FHIT: variants seen among roughly 807,000 people sequenced by gnomAD.
FHIT encodes the protein bis(5'-adenosyl)-triphosphatase.
In FHIT, 19 loss-of-function variants were observed where a neutral mutation model predicts 17.9. The ratio of observed to expected loss-of-function variants is 1.06; its 90% CI spans 0.74 to 1.56. The LOEUF (loss-of-function observed/expected upper bound fraction) is 1.56. Among genes scored for constraint, FHIT ranks in the 40% most tolerant of loss-of-function variants. FHIT has a pLI of 0.00. For missense variants in FHIT, 248 were observed against 189.2 expected (o/e 1.31, Z -1.82); for synonymous variants, 81 against 69.7 (o/e 1.16, Z -0.81).
chr3:60,363,528 G>A (rs1276742289), intron 5 of FHIT, among the ~76,000 whole-genome samples: 1 of 152,114 alleles, frequency 6.6e-6, no homozygotes, highest in East Asian at 1.9e-4. Flanking sequence ...CGCTATCCCT[G>A]TTTTACAGGT....
intron 5 of FHIT, among the ~76,000 whole-genome samples, chr3:60,476,796 G>A (rs368372000): frequency 4.6e-5 from 7 of 152,006 alleles, no homozygotes; most frequent in Admixed American, 2.0e-4. Flanking sequence ...TGGCCTTGTC[G>A]GAGGTACTTA....
chr3:60,592,178 T>A (rs963040777), intron 4 of FHIT, among the ~76,000 whole-genome samples: 1 of 147,784 alleles, frequency 6.8e-6, no homozygotes, highest in Non-Finnish European at 1.5e-5. Context: ...TTATTATATA[T>A]ATATTATCTC....
At chr3:59,984,314 A>C (rs1287072213) in intron 7 of FHIT, among the ~76,000 whole-genome samples, 1 of 152,048 alleles carries the variant, frequency 6.6e-6, no homozygotes, top group Non-Finnish European at 1.5e-5. Context: ...AGTGGAAGTA[A>C]GACAGGGGAA....
At chr3:59,757,783 T>C (rs1389010811) in intron 8 of FHIT, among the ~76,000 whole-genome samples, 1 of 152,228 alleles carries the variant, frequency 6.6e-6, no homozygotes, top group Non-Finnish European at 1.5e-5. Flanking sequence ...CCATTTCTTA[T>C]GGGTTGACGG....
intron 2 of FHIT, among the ~76,000 whole-genome samples, chr3:61,175,917 T>A (rs1361375760): frequency 6.6e-6 from 1 of 152,238 alleles, no homozygotes; most frequent in African/African-American, 2.4e-5. Flanking sequence ...AGACAATGGA[T>A]AACTAATCTA....
At chr3:59,772,958 G>T (rs1702140204) in intron 8 of FHIT, among the ~76,000 whole-genome samples, 1 of 152,182 alleles carries the variant, frequency 6.6e-6, no homozygotes, top group South Asian at 2.1e-4. Context: ...ACATTTGTAG[G>T]CTTTCCGGCT....
intron 2 of FHIT, among the ~76,000 whole-genome samples, chr3:61,063,624 C>T (rs1377135617): frequency 6.6e-6 from 1 of 152,070 alleles, no homozygotes; most frequent in African/African-American, 2.4e-5. Context: ...GACCAAGGTT[C>T]ACAAACACAA....
chr3:59,926,235 A>G (rs1403651830), intron 7 of FHIT, among the ~76,000 whole-genome samples: 1 of 152,140 alleles, frequency 6.6e-6, no homozygotes, highest in Non-Finnish European at 1.5e-5. Context: ...CATTCCAGAA[A>G]CTTATTTGAT....
chr3:59,910,273 T>C (rs970383424), intron 8 of FHIT, among the ~76,000 whole-genome samples: 4 of 152,132 alleles, frequency 2.6e-5, no homozygotes, highest in African/African-American at 9.7e-5. Flanking sequence ...AGGGCATAGG[T>C]AGATAGGAGA....
intron 5 of FHIT, among the ~76,000 whole-genome samples, chr3:60,112,796 A>G (rs1459324105): frequency 1.3e-5 from 2 of 152,230 alleles, no homozygotes; most frequent in Admixed American, 1.3e-4. Flanking sequence ...GGAAGCAAGC[A>G]GCAATCAAGG....
At chr3:60,714,649 CAG>C (rs1433886993) in intron 4 of FHIT, among the ~76,000 whole-genome samples, 1 of 152,138 alleles carries the variant, frequency 6.6e-6, no homozygotes, top group Non-Finnish European at 1.5e-5. Flanking sequence ...GACAGACAAA[CAG>C]AGAGCCAAAT....
intron 8 of FHIT, among the ~76,000 whole-genome samples, chr3:59,778,602 T>A (rs57877343): frequency 0.038 from 5,723 of 152,220 alleles, 151 homozygotes; most frequent in South Asian, 0.09. Context: ...ATACACAGAC[T>A]TGGCTGTGTT....
intron 5 of FHIT, among the ~76,000 whole-genome samples, chr3:60,091,630 T>G (rs141003914): frequency 1.8e-3 from 268 of 152,198 alleles, no homozygotes; most frequent in African/African-American, 6.3e-3. Flanking sequence ...TGGGGCACGG[T>G]GAGAGGTGAT....
chr3:60,136,161 C>G (rs1699808680), intron 5 of FHIT, among the ~76,000 whole-genome samples: 1 of 152,074 alleles, frequency 6.6e-6, no homozygotes, highest in Non-Finnish European at 1.5e-5. Context: ...AAATATGACT[C>G]TTGCTGCTAT....
intron 4 of FHIT, among the ~76,000 whole-genome samples, chr3:60,755,397 A>G (rs570067153): frequency 2.2e-4 from 33 of 152,314 alleles, no homozygotes; most frequent in African/African-American, 7.7e-4. Context: ...CAATGTTTTA[A>G]GATAAGTCGA....
chr3:60,754,148 C>T (rs1483835726), intron 4 of FHIT, among the ~76,000 whole-genome samples: 3 of 152,170 alleles, frequency 2.0e-5, no homozygotes, highest in Admixed American at 6.5e-5. Context: ...AAGAAAACTT[C>T]TTCATTTGAT....
At chr3:60,966,150 C>A (rs1435153906) in intron 3 of FHIT, among the ~76,000 whole-genome samples, 3 of 152,196 alleles carry the variant, frequency 2.0e-5, no homozygotes, top group Non-Finnish European at 2.9e-5. Flanking sequence ...GGACACCCCT[C>A]CCCCAGCCTC....
chr3:60,884,834 A>C (rs1553758896), intron 3 of FHIT, among the ~76,000 whole-genome samples: 2 of 150,512 alleles, frequency 1.3e-5, no homozygotes, highest in Non-Finnish European at 3.0e-5. Flanking sequence ...GAGCCCAGAA[A>C]ATTGAGGCTG....
rs143600288 is a variant in FHIT, at chr3:60,813,407, G to T, written c.-18+8512C>A. Among the ~76,000 whole-genome samples the T allele has an allele frequency of 3.0e-3, 454 of 152,048 alleles. 2 individuals carry two copies. The highest frequency in any genetic ancestry group is 4.5e-3 in the Non-Finnish European group (303 of 67,960). ...AATATTTAACCATTAGTATGGTAAA[G>T]GCACCAACCAGCATAGGCTTAATGC... On this transcript the variant is annotated intron_variant, in intron 4 of 9. Coordinates refer to ENST00000492590, the MANE Select transcript of FHIT (RefSeq NM_002012.4).
Sources: allele counts gnomAD v4.1 joint callset (sites outside exome capture counted in the v4.1 genomes callset), GRCh38; gene constraint gnomAD v4.1.1; transcripts MANE v1.5; gene names NCBI Gene and HGNC (gene_info 2026-07-23, HGNC 2026-07-21).